The following MEMO1 variants were observed in gnomAD, a reference collection of about 807,000 sequenced individuals.
The protein encoded by MEMO1 is protein MEMO1.
MEMO1 carries 6 observed loss-of-function variants against 45.2 expected under a neutral mutation model. The observed-to-expected ratio is 0.13, with a 90% CI of 0.07 to 0.26. The LOEUF is 0.26. MEMO1 is among the 10% of genes least tolerant of loss of function. The pLI, the probability that MEMO1 is intolerant of heterozygous loss-of-function variation, is 1.00. For synonymous variants in MEMO1, 78 were observed against 124.3 expected, an observed-to-expected ratio of 0.63 and a Z score of 2.48; for missense variants, 184 against 370.5, an observed-to-expected ratio of 0.50 and a Z score of 4.13.
Position 31,890,917 on chromosome 2 carries a change from A to G in MEMO1, c.580+1075T>C, listed in dbSNP as rs543148718. Among the ~76,000 whole-genome samples the G allele has an allele frequency of 2.0e-5, 3 of 152,300 alleles. No homozygotes were observed. In the South Asian group the frequency reaches 6.2e-4, roughly 32 times the overall value. On this transcript the variant is annotated intron_variant, in intron 7 of 9. Coordinates refer to ENST00000404530, the MANE Select transcript of MEMO1 (RefSeq NM_001301833.4). ...AAAATCACTCCAGTTGAGGCTAAGTACCTTATGCAAAAAACTAATCTGTAC... is the reference window on the plus strand; with the variant it reads ...AAAATCACTCCAGTTGAGGCTAAGTGCCTTATGCAAAAAACTAATCTGTAC...
At chr2:31,964,970 T>C (rs982056120) in intron 2 of MEMO1, among the ~76,000 whole-genome samples, 3 of 151,914 alleles carry the variant, frequency 2.0e-5, no homozygotes, top group Non-Finnish European at 4.4e-5. Flanking sequence ...TCCCAACACA[T>C]TGGGAGGTTG....
intron 2 of MEMO1, among the ~76,000 whole-genome samples, chr2:31,953,366 CAAAA>C (rs1227298943): frequency 2.8e-5 from 2 of 72,526 alleles, no homozygotes; most frequent in Non-Finnish European, 2.8e-5. Context: ...AACTCCGTCT[CAAAA>C]AAAAAAAAAA....
Position 31,955,772 on chromosome 2 carries a change from C to T in MEMO1, c.62-12389G>A, listed in dbSNP as rs550790226. Among the ~76,000 whole-genome samples the T allele has an allele frequency of 2.0e-4, 31 of 152,154 alleles. No individual in the cohort carries two copies. The South Asian group carries it at 6.0e-3, about 30-fold the overall frequency. On this transcript the variant is annotated intron_variant, in intron 2 of 9. Coordinates refer to ENST00000404530, the MANE Select transcript of MEMO1 (RefSeq NM_001301833.4). ...TATAGGCATGCACCACTAGGCCCAA[C>T]TAATTTTGTATTTTCAGTAAAGACA...
intron 6 of MEMO1, among the ~76,000 whole-genome samples, chr2:31,914,780 C>T (rs1468879604): frequency 6.6e-6 from 1 of 151,640 alleles, no homozygotes; most frequent in African/African-American, 2.4e-5. Flanking sequence ...AAAGTAAGCT[C>T]CCGTCTCTTA....
intron 6 of MEMO1, among the ~76,000 whole-genome samples, chr2:31,915,810 C>G (rs779226902): frequency 2.0e-5 from 3 of 152,008 alleles, no homozygotes; most frequent in Non-Finnish European, 2.9e-5. Flanking sequence ...ATTCCTGGCC[C>G]CCAAATTTTA....
rs561628982 is a variant in MEMO1 at position 31,869,716 on chromosome 2, T to A, written c.762+132A>T. 270 of 885,836 alleles carry A rather than the reference T, an allele frequency of 3.0e-4. No homozygotes were observed. In the African/African-American group the frequency reaches 3.9e-3, roughly 13 times the overall value. 54.9% of individuals were successfully genotyped at this position (885,836 alleles called of 1,614,324 possible). A position where few individuals can be genotyped will look rare whatever the true frequency, so the allele number is the denominator to read the frequency against. The stretch of plus-strand genomic sequence containing the variant: ...AACCAAAAGCAATGGAACTCCAAAT[T>A]ATATTAAAGATACTAAAAAGAAACT... On this transcript the variant is annotated intron_variant, in intron 9 of 9. Coordinates refer to ENST00000404530, the MANE Select transcript of MEMO1 (RefSeq NM_001301833.4).
In MEMO1 at chr2:31,900,231, A is replaced by G. The variant is rs1431091091; in HGVS notation, c.438-8097T>C. Among the ~76,000 whole-genome samples, 7 of 152,340 alleles carry G rather than the reference A, an allele frequency of 4.6e-5. No homozygotes were observed. The East Asian group carries it at 1.3e-3, about 29-fold the overall frequency. On this transcript the variant is annotated intron_variant, in intron 6 of 9. Coordinates refer to ENST00000404530, the MANE Select transcript of MEMO1 (RefSeq NM_001301833.4). ...TTCTATTATAAAGACACATGCACAC[A>G]TATGTTTATTGTAGCACTGTTCACA...
intron 6 of MEMO1, among the ~76,000 whole-genome samples, chr2:31,901,292 G>A (rs968678189): frequency 2.2e-5 from 3 of 136,304 alleles, no homozygotes; most frequent in African/African-American, 8.3e-5. Flanking sequence ...AGAATCGCTT[G>A]AACCTGGGAG....
intron 2 of MEMO1, among the ~76,000 whole-genome samples, chr2:31,969,625 GTGTGTGTGTT>G (rs1431123348): frequency 2.7e-5 from 4 of 147,976 alleles, no homozygotes; most frequent in South Asian, 2.2e-4. Flanking sequence ...GTGTGTGTGT[GTGTGTGTGTT>G]TAAGACAGGC....
chr2:31,923,081 A>G (rs547221927), intron 4 of MEMO1, among the ~76,000 whole-genome samples: 1 of 151,708 alleles, frequency 6.6e-6, no homozygotes, highest in South Asian at 2.1e-4. Flanking sequence ...ATCAATTTAC[A>G]CTCCTACCAA....
intron 2 of MEMO1, among the ~76,000 whole-genome samples, chr2:31,962,155 A>T (rs933324803): frequency 5.3e-5 from 8 of 152,116 alleles, no homozygotes; most frequent in African/African-American, 1.9e-4. Context: ...CTGGGAGGCC[A>T]AGGCGAGAGG....
chr2:31,908,826 T>C (rs1680146192), intron 6 of MEMO1, among the ~76,000 whole-genome samples: 1 of 152,202 alleles, frequency 6.6e-6, no homozygotes, highest in Non-Finnish European at 1.5e-5. Flanking sequence ...TTTAACAGAC[T>C]TGGAGTAAAA....
At chr2:31,933,348 A>AAAAAAT (rs1558514269) in intron 3 of MEMO1, among the ~76,000 whole-genome samples, 3 of 16,186 alleles carry the variant, frequency 1.9e-4, no homozygotes, top group African/African-American at 4.9e-4. Flanking sequence ...AAAAAAAAAA[A>AAAAAAT]ATTTATATAT....
intron 3 of MEMO1, among the ~76,000 whole-genome samples, chr2:31,934,267 C>G (rs761668037): frequency 1.2e-4 from 18 of 152,078 alleles, no homozygotes; most frequent in Non-Finnish European, 2.6e-4. Context: ...CTTTGTCATT[C>G]TTAAATTTAA....
intron 2 of MEMO1, among the ~76,000 whole-genome samples, chr2:31,993,164 C>T (rs1012896898): frequency 6.6e-6 from 1 of 152,018 alleles, no homozygotes; most frequent in African/African-American, 2.4e-5. Context: ...CACAGTAAGA[C>T]CCTGTCTCAA....
intron 2 of MEMO1, among the ~76,000 whole-genome samples, chr2:31,989,994 T>G (rs1316565879): frequency 6.6e-6 from 1 of 152,140 alleles, no homozygotes; most frequent in Non-Finnish European, 1.5e-5. Flanking sequence ...GGTATACACC[T>G]ATAGTCCCAG....
chr2:31,986,874 T>C (rs553622067), intron 2 of MEMO1, among the ~76,000 whole-genome samples: 3 of 152,156 alleles, frequency 2.0e-5, no homozygotes, highest in Non-Finnish European at 2.9e-5. Flanking sequence ...TAAATTGTTA[T>C]TTGAAGGATA....
chr2:31,938,786 A>ATT lies in MEMO1; in HGVS notation c.143+4514_143+4515dup, dbSNP rs398042391. ...TAACCCTTTCATGCCATAGAACAAT[A>ATT]TTTTTTTTTTTTTTTTTGAGACAGG... On this transcript the variant is annotated intron_variant, in intron 3 of 9. Transcript: ENST00000404530. Among the ~76,000 whole-genome samples, 1,282 of 138,790 alleles carry ATT rather than the reference A, an allele frequency of 9.2e-3. 27 individuals are homozygous for ATT. Among genetic ancestry groups the ATT allele is most frequent in the African/African-American group, 0.026 (993 of 37,530 alleles). 91.1% of individuals were successfully genotyped at this position (138,790 alleles called of 152,430 possible). A position where few individuals can be genotyped will look rare whatever the true frequency, so the allele number is the denominator to read the frequency against.
At chr2:31,871,733 G>C (rs1039204520) in intron 8 of MEMO1, among the ~76,000 whole-genome samples, 7 of 152,100 alleles carry the variant, frequency 4.6e-5, no homozygotes, top group African/African-American at 1.7e-4. Flanking sequence ...CCTAAGATGG[G>C]CCAGGTACAG....
Sources: gnomAD v4.1 joint callset for allele counts (sites outside exome capture counted in the v4.1 genomes callset) on GRCh38, gnomAD v4.1.1 for gene constraint, MANE v1.5 for transcripts, NCBI Gene and HGNC (gene_info 2026-07-23, HGNC 2026-07-21) for gene names.